FAM216B: variants seen among roughly 807,000 people sequenced by gnomAD.
The protein encoded by FAM216B is family with sequence similarity 216 member B.
FAM216B carries 11 observed loss-of-function variants against 12.9 expected under a neutral mutation model. The ratio of observed to expected loss-of-function variants is 0.86; its 90% CI spans 0.54 to 1.42. The LOEUF is 1.42. Ranked by LOEUF, FAM216B falls within the 40% of genes most tolerant of loss-of-function variation. The pLI, the probability that FAM216B is intolerant of heterozygous loss-of-function variation, is 0.00. For synonymous variants in FAM216B, 52 were observed against 57.2 expected (o/e 0.91, Z 0.41); for missense variants, 167 against 162.9 (o/e 1.02, Z -0.14).
rs1874244306 is a variant in FAM216B, at chr13:42,789,660, G to A, written c.*870G>A. 7.7e-6 allele frequency: 1 copy of A among 130,086 alleles called. No homozygotes were observed. Among genetic ancestry groups the A allele is most frequent in the East Asian group, 2.2e-4 (1 of 4,588 alleles). 8.1% of individuals were successfully genotyped at this position (130,086 alleles called of 1,614,324 possible). On this transcript the variant is annotated 3_prime_UTR_variant, in exon 4 of 4. Transcript: ENST00000313851. The stretch of plus-strand genomic sequence containing the variant: ...TTTGTGTGTGTGTGTGTGTGTGTGT[G>A]TGTGTGTGTTAAAAATCAGTCACCA...
At chr13:42,787,980 G>A (rs1455992773) in intron 3 of FAM216B, among the ~76,000 whole-genome samples, 1 of 152,106 alleles carries the variant, frequency 6.6e-6, no homozygotes, top group South Asian at 2.1e-4. Flanking sequence ...GAGAAGCCGA[G>A]ATTCAGTCTG....
At position 42,788,987 on chromosome 13, in the gene FAM216B, C is replaced by T. The variant is rs1234331679; in HGVS notation, c.*197C>T. 5 of 487,288 alleles carry T rather than the reference C, an allele frequency of 1.0e-5. No individual in the cohort carries two copies. The highest frequency in any genetic ancestry group is 1.8e-5 in the Non-Finnish European group (5 of 277,324). 30.2% of individuals were successfully genotyped at this position (487,288 alleles called of 1,614,324 possible). On this transcript the variant is annotated 3_prime_UTR_variant, in exon 4 of 4. Transcript: ENST00000313851. ...GCAATGGAGCCGAGAGTAAGCAAGC[C>T]TTTCCACATAACATCCGTAGAGTAA... is the stretch of plus-strand genomic sequence containing the variant.
In FAM216B at chr13:42,788,688, C is replaced by A; in HGVS notation, c.318C>A (p.Pro106=). ...SAKVAPQRTI[P]RKTSAMTRRC... ...AGGTAGCTCCTCAAAGAACCATTCCCCGGAAAACTTCAGCCATGACAAGAA... is the reference window on the plus strand; with the variant it reads ...AGGTAGCTCCTCAAAGAACCATTCCACGGAAAACTTCAGCCATGACAAGAA... Residue 106 remains proline, a synonymous_variant, in exon 4 of 4, where the codon CCC becomes CCA. Coordinates refer to ENST00000313851, the MANE Select transcript of FAM216B (RefSeq NM_001318932.2). 1 of 1,613,956 alleles carries A rather than the reference C, an allele frequency of 6.2e-7. No homozygotes were observed. Among genetic ancestry groups the A allele is most frequent in the Non-Finnish European group, 8.5e-7 (1 of 1,179,880 alleles).
intron 2 of FAM216B, among the ~76,000 whole-genome samples, chr13:42,784,661 C>CAAAAAAAAAAAAAAA (rs61276354): frequency 2.1e-5 from 2 of 94,772 alleles, no homozygotes; most frequent in African/African-American, 4.1e-5. Flanking sequence ...ACTAAAAATA[C>CAAAAAAAAAAAAAAA]AAAAAAAAAA....
In FAM216B at chr13:42,791,374, C is replaced by T. The variant is rs1479974167; in HGVS notation, c.*2584C>T. 6.6e-6 allele frequency: 1 copy of T among 152,016 alleles called. No individual in the cohort carries two copies. The highest frequency in any genetic ancestry group is 2.1e-4 in the South Asian group (1 of 4,826). 9.4% of individuals were successfully genotyped at this position (152,016 alleles called of 1,614,324 possible). On this transcript the variant is annotated 3_prime_UTR_variant, in exon 4 of 4. Transcript: ENST00000313851. ...TCATGTGTCTCCAGCCCCTGTAGTA[C>T]TATATATTATTGCATTTAAATGATG...
Position 42,786,766 on chromosome 13 carries a change from C to T in FAM216B, c.103C>T (p.Leu35Phe), listed in dbSNP as rs780992016. The T allele has an allele frequency of 6.2e-7, 1 of 1,613,956 alleles. No individual in the cohort carries two copies. Among genetic ancestry groups the T allele is most frequent in the Non-Finnish European group, 8.5e-7 (1 of 1,179,894 alleles). Reference sequence around the variant, plus strand: ...ATCACCTGTTCTGTTCCAACAGGCCCTCAACCAAGGGCAACAGCGCTACTT... The same window carrying T: ...ATCACCTGTTCTGTTCCAACAGGCCTTCAACCAAGGGCAACAGCGCTACTT... ...SIYDTSLLKA[L>F]NQGQQRYFYS... Residue 35 changes from leucine to phenylalanine, a missense_variant, in exon 3 of 4, where the codon CTC becomes TTC. Physicochemically the swap from Leu to Phe is conservative, Grantham distance 22. Coordinates refer to ENST00000313851, the MANE Select transcript of FAM216B (RefSeq NM_001318932.2).
chr13:42,786,783 G>A lies in FAM216B; in HGVS notation c.120G>A (p.Gln40=). The A allele has an allele frequency of 1.2e-6, 2 of 1,614,066 alleles. No individual in the cohort carries two copies. Among genetic ancestry groups the A allele is most frequent in the South Asian group, 1.1e-5 (1 of 91,068 alleles). ...AACAGGCCCTCAACCAAGGGCAACA[G>A]CGCTACTTTTACAGCATTATGAGGA... ...SLLKALNQGQ[Q]RYFYSIMRIY... The change falls in exon 3 of 4, where the codon CAG becomes CAA. Residue 40 remains glutamine (Q), a synonymous_variant. Transcript: ENST00000313851.
At position 42,790,470 on chromosome 13, in the gene FAM216B, G is replaced by A. The variant is rs1874273484; in HGVS notation, c.*1680G>A. ...CCTTGCATCTGATAGAGGCTTGTAA[G>A]AGCAGATTGACAGGTGAATGTCACA... On this transcript the variant is annotated 3_prime_UTR_variant, in exon 4 of 4. Coordinates refer to ENST00000313851, the MANE Select transcript of FAM216B (RefSeq NM_001318932.2). 1 of 152,130 alleles carries A rather than the reference G, an allele frequency of 6.6e-6. No homozygotes were observed. The highest frequency in any genetic ancestry group is 6.5e-5 in the Admixed American group (1 of 15,268). 9.4% of individuals were successfully genotyped at this position (152,130 alleles called of 1,614,324 possible).
At chr13:42,784,481 G>T (rs979415709) in intron 2 of FAM216B, among the ~76,000 whole-genome samples, 1 of 151,414 alleles carries the variant, frequency 6.6e-6, no homozygotes, top group African/African-American at 2.4e-5. Flanking sequence ...AGTTCCTTTT[G>T]GTCAAAGTTA....
intron 2 of FAM216B, among the ~76,000 whole-genome samples, chr13:42,785,017 C>A (rs1874028499): frequency 6.6e-6 from 1 of 152,070 alleles, no homozygotes; most frequent in South Asian, 2.1e-4. Flanking sequence ...AAAATAAAAT[C>A]ATCACTTTTA....
In FAM216B at chr13:42,788,658, AG is replaced by A; in HGVS notation, c.289del (p.Ala97ProfsTer3). ...VLRDSTKRAS[A>X]KVAPQRTIPR... is the part of the protein sequence containing the mutation. The stretch of plus-strand genomic sequence containing the variant: ...TTAGAGATTCAACCAAGAGAGCCTC[AG>A]CCAAGGTAGCTCCTCAAAGAACCAT... On this transcript the variant is annotated frameshift_variant, in exon 4 of 4. Coordinates refer to ENST00000313851, the MANE Select transcript of FAM216B (RefSeq NM_001318932.2). LOFTEE classifies it low-confidence loss of function (END_TRUNC). The A allele has an allele frequency of 1.2e-6, 2 of 1,614,014 alleles. No homozygotes were observed. Among genetic ancestry groups the A allele is most frequent in the South Asian group, 2.2e-5 (2 of 91,070 alleles).
Position 42,788,587 on chromosome 13 carries a change from C to T in FAM216B, c.221-4C>T, listed in dbSNP as rs191838246. 1,380 of 1,597,410 alleles carry T rather than the reference C, an allele frequency of 8.6e-4. 13 individuals are homozygous for T. In the South Asian group the frequency reaches 9.1e-3, roughly 11 times the overall value. On this transcript the variant is annotated splice_polypyrimidine_tract_variant and splice_region_variant and intron_variant, in intron 3 of 3. Coordinates refer to ENST00000313851, the MANE Select transcript of FAM216B (RefSeq NM_001318932.2). ...TTGAAGTTTCTCTCATTTCTTTCCCCTAGGCTATATTACTCAACGGGAAGC... is the reference window on the plus strand; with the variant it reads ...TTGAAGTTTCTCTCATTTCTTTCCCTTAGGCTATATTACTCAACGGGAAGC...
intron 1 of FAM216B, among the ~76,000 whole-genome samples, chr13:42,782,126 G>A (rs1405834483): frequency 6.6e-6 from 1 of 152,212 alleles, no homozygotes. Flanking sequence ...ACACAGAGAT[G>A]TTGACTAATG....
chr13:42,788,841 T>C lies in FAM216B; in HGVS notation c.*51T>C, dbSNP rs1308537143. On this transcript the variant is annotated 3_prime_UTR_variant, in exon 4 of 4. Coordinates refer to ENST00000313851, the MANE Select transcript of FAM216B (RefSeq NM_001318932.2). The stretch of plus-strand genomic sequence containing the variant: ...GAAGTTTGCCCATGTATCCCTGGTA[T>C]CTAGTGGGTGCTTTGTGCATATTTG... 1 of 1,519,146 alleles carries C rather than the reference T, an allele frequency of 6.6e-7. No homozygotes were observed. The highest frequency in any genetic ancestry group is 1.2e-5 in the South Asian group (1 of 83,286). 94.1% of individuals were successfully genotyped at this position (1,519,146 alleles called of 1,614,324 possible).
rs547993273 is a variant in FAM216B at position 42,783,537 on chromosome 13, C to T, written c.-14-517C>T. ...TCCAATATGCTCCAATGAACATATC[C>T]TTTAAGCATCTTGTGGGCACTAAAA... is the stretch of plus-strand genomic sequence containing the variant. On this transcript the variant is annotated intron_variant, in intron 1 of 3. Transcript: ENST00000313851. Among the ~76,000 whole-genome samples, 7 of 152,128 alleles carry T rather than the reference C, an allele frequency of 4.6e-5. No homozygotes were observed. The East Asian group carries it at 1.4e-3, about 29-fold the overall frequency.
rs992380137 is a variant in FAM216B at position 42,789,981 on chromosome 13, T to G, written c.*1191T>G. On this transcript the variant is annotated 3_prime_UTR_variant, in exon 4 of 4. Transcript: ENST00000313851. Reference sequence around the variant, plus strand: ...TCCAAGCTCCTATCTGACTTTTCTTTGGGAGGAATGGGAAGTGTGGTTGGC... The same window carrying G: ...TCCAAGCTCCTATCTGACTTTTCTTGGGGAGGAATGGGAAGTGTGGTTGGC... The G allele has an allele frequency of 2.0e-5, 3 of 152,176 alleles. No homozygotes were observed. The highest frequency in any genetic ancestry group is 7.2e-5 in the African/African-American group (3 of 41,452). 9.4% of individuals were successfully genotyped at this position (152,176 alleles called of 1,614,324 possible).
Position 42,786,877 on chromosome 13 carries a change from C to G in FAM216B, c.214C>G (p.Leu72Val). 2 of 1,613,832 alleles carry G rather than the reference C, an allele frequency of 1.2e-6. No individual in the cohort carries two copies. Among genetic ancestry groups the G allele is most frequent in the South Asian group, 1.1e-5 (1 of 91,066 alleles). Residue 72 changes from leucine to valine, a missense_variant, in exon 3 of 4, where the codon CTG becomes GTG. Leu to Val is a conservative substitution (Grantham distance 32). Coordinates refer to ENST00000313851, the MANE Select transcript of FAM216B (RefSeq NM_001318932.2). ...RYIHSLQHQQLLGYITQREAL... is the reference protein window; with the variant it reads ...RYIHSLQHQQVLGYITQREAL... ...CATTCACAGCCTTCAGCACCAACAG[C>G]TGCTTGGTAAGTTTAACTACGTGAT...
intron 2 of FAM216B, among the ~76,000 whole-genome samples, chr13:42,785,083 T>C (rs1361891012): frequency 6.6e-6 from 1 of 152,170 alleles, no homozygotes; most frequent in Non-Finnish European, 1.5e-5. Context: ...GCTCTTGAAA[T>C]TGGCTTACAA....
At chr13:42,786,048 A>C (rs994414765) in intron 2 of FAM216B, among the ~76,000 whole-genome samples, 2 of 152,216 alleles carry the variant, frequency 1.3e-5, no homozygotes, top group African/African-American at 4.8e-5. Flanking sequence ...TCCTCATAGA[A>C]TATTTAATCC....
Sources: gnomAD v4.1 joint callset for allele counts (sites outside exome capture counted in the v4.1 genomes callset) on GRCh38, gnomAD v4.1.1 for gene constraint, MANE v1.5 for transcripts, NCBI Gene and HGNC (gene_info 2026-07-23, HGNC 2026-07-21) for gene names.